The following PLEKHG1 variants were observed in gnomAD, a reference collection of about 807,000 sequenced individuals.
The protein encoded by PLEKHG1 is pleckstrin homology domain-containing family G member 1.
In PLEKHG1, 44 loss-of-function variants were observed where a neutral mutation model predicts 100.8. The ratio of observed to expected loss-of-function variants is 0.44; its 90% confidence interval spans 0.34 to 0.56. The LOEUF is 0.56. Among genes scored for constraint, PLEKHG1 ranks in the 20% least tolerant of loss-of-function variants. The pLI, the probability that PLEKHG1 is intolerant of heterozygous loss-of-function variation, is 0.01. For missense variants in PLEKHG1, 1,545 were observed against 1,720.9 expected (o/e 0.90, Z 1.81); for synonymous variants, 640 against 662.5 (o/e 0.97, Z 0.52).
At chr6:150,688,575 G>A (rs1372777268) in intron 3 of PLEKHG1, among the ~76,000 whole-genome samples, 1 of 152,058 alleles carries the variant, frequency 6.6e-6, no homozygotes, top group African/African-American at 2.4e-5. Flanking sequence ...ACCTGCGTTG[G>A]CCTCCCAAAG....
chr6:150,604,217 A>G (rs1431912583), intron 1 of PLEKHG1, among the ~76,000 whole-genome samples: 2 of 152,254 alleles, frequency 1.3e-5, no homozygotes, highest in Non-Finnish European at 1.5e-5. Flanking sequence ...ATAAATCATC[A>G]TAGTATTAAA....
rs756621195 is a variant in PLEKHG1 at position 150,677,283 on chromosome 6, T to TACACACACACACACAC, written c.-99+26498_-99+26499insCACACACACACACACA. On this transcript the variant is annotated intron_variant, in intron 3 of 3. Transcript: ENST00000367326. ...CAGTCTTGTCTCTTGTTTCTTCCCC[T>TACACACACACACACAC]ATACACACACACACACACACGCGCG... is the stretch of plus-strand genomic sequence containing the variant. Among the ~76,000 whole-genome samples the TACACACACACACACAC allele has an allele frequency of 5.1e-4, 69 of 134,136 alleles. 1 individual carries two copies. Among genetic ancestry groups the TACACACACACACACAC allele is most frequent in the African/African-American group, 1.7e-3 (67 of 39,392 alleles). The allele number at this position is 134,136 out of a possible 152,430, so 88.0% of individuals were successfully genotyped here.
intron 3 of PLEKHG1, among the ~76,000 whole-genome samples, chr6:150,681,404 C>T (rs550176842): frequency 1.1e-3 from 172 of 151,420 alleles, no homozygotes; most frequent in Non-Finnish European, 2.1e-3. Context: ...CCCAGCTGCT[C>T]GGGAGGCTGA....
At chr6:150,675,413 C>T (rs1368986812) in intron 3 of PLEKHG1, among the ~76,000 whole-genome samples, 1 of 152,232 alleles carries the variant, frequency 6.6e-6, no homozygotes, top group African/African-American at 2.4e-5. Flanking sequence ...GTTCATCACA[C>T]ATGCTCATCC....
At chr6:150,669,226 A>G (rs1779502768) in intron 3 of PLEKHG1, among the ~76,000 whole-genome samples, 1 of 152,198 alleles carries the variant, frequency 6.6e-6, no homozygotes, top group Non-Finnish European at 1.5e-5. Flanking sequence ...AGCCTTGAAG[A>G]CACATCACTG....
At chr6:150,627,003 C>T (rs186779022) in intron 1 of PLEKHG1, among the ~76,000 whole-genome samples, 90 of 152,174 alleles carry the variant, frequency 5.9e-4, no homozygotes, top group Non-Finnish European at 1.0e-3. Flanking sequence ...GAAAAAGGGG[C>T]GAGGGAAGGC....
chr6:150,667,769 AATG>A (rs1043437340), intron 3 of PLEKHG1, among the ~76,000 whole-genome samples: 1 of 152,212 alleles, frequency 6.6e-6, no homozygotes, highest in African/African-American at 2.4e-5. Flanking sequence ...TCTGCAAATA[AATG>A]AAACTGTGAA....
intron 3 of PLEKHG1, among the ~76,000 whole-genome samples, chr6:150,694,427 C>T (rs1046835411): frequency 3.3e-5 from 5 of 151,632 alleles, no homozygotes; most frequent in African/African-American, 4.8e-5. Context: ...TGGCTGGGCA[C>T]GGCGGCTCAC....
At chr6:150,638,652 C>A (rs1174112709) in intron 2 of PLEKHG1, among the ~76,000 whole-genome samples, 1 of 152,138 alleles carries the variant, frequency 6.6e-6, no homozygotes, top group Non-Finnish European at 1.5e-5. Context: ...GCCAGGTACC[C>A]CTTGTGTAAC....
At chr6:150,782,847 C>T (rs1451374504) in intron 3 of PLEKHG1, among the ~76,000 whole-genome samples, 5 of 152,110 alleles carry the variant, frequency 3.3e-5, no homozygotes, top group African/African-American at 7.2e-5. Context: ...TCATGATTGA[C>T]GTTGTGGCTC....
chr6:150,770,230 T>C (rs530573634), intron 3 of PLEKHG1, among the ~76,000 whole-genome samples: 10 of 152,304 alleles, frequency 6.6e-5, no homozygotes, highest in South Asian at 2.1e-4. Flanking sequence ...GTCCTACCCA[T>C]CTTGGCTTAC....
chr6:150,704,730 A>G (rs988868091), intron 3 of PLEKHG1, among the ~76,000 whole-genome samples: 9 of 152,256 alleles, frequency 5.9e-5, no homozygotes, highest in East Asian at 1.9e-4. Flanking sequence ...TTGGACTGCC[A>G]TAACAATAAC....
chr6:150,702,536 G>A (rs1480920520), intron 3 of PLEKHG1, among the ~76,000 whole-genome samples: 1 of 141,598 alleles, frequency 7.1e-6, no homozygotes, highest in Non-Finnish European at 1.5e-5. Context: ...ACCATCAGCA[G>A]TACTTCTCAT....
chr6:150,695,783 C>T (rs1582956466), intron 3 of PLEKHG1, among the ~76,000 whole-genome samples: 1 of 152,312 alleles, frequency 6.6e-6, no homozygotes, highest in South Asian at 2.1e-4. Flanking sequence ...AGAGGTCTGA[C>T]TCCAGAGTTT....
At chr6:150,787,184 A>T (rs957779004) in intron 4 of PLEKHG1, among the ~76,000 whole-genome samples, 3 of 152,198 alleles carry the variant, frequency 2.0e-5, no homozygotes, top group African/African-American at 7.2e-5. Flanking sequence ...AGTCTCTATA[A>T]TTATCTTTCT....
intron 3 of PLEKHG1, among the ~76,000 whole-genome samples, chr6:150,783,521 C>G (rs1223507177): frequency 6.6e-6 from 1 of 152,078 alleles, no homozygotes; most frequent in East Asian, 1.9e-4. Context: ...AGGTGTGTGC[C>G]ACCACACCCA....
At chr6:150,726,393 A>G (rs1289256223) in intron 1 of PLEKHG1, among the ~76,000 whole-genome samples, 1 of 152,210 alleles carries the variant, frequency 6.6e-6, no homozygotes, top group Non-Finnish European at 1.5e-5. Flanking sequence ...CAAGTTTTAT[A>G]CATTAAATAT....
chr6:150,757,770 A>G (rs527939085), intron 2 of PLEKHG1, among the ~76,000 whole-genome samples: 9 of 152,302 alleles, frequency 5.9e-5, no homozygotes, highest in African/African-American at 2.2e-4. Flanking sequence ...AACATGTCCC[A>G]TGGTGGTTTG....
At chr6:150,835,159 A>G (rs1429594127) in intron 15 of PLEKHG1, among the ~76,000 whole-genome samples, 5 of 152,124 alleles carry the variant, frequency 3.3e-5, no homozygotes, top group African/African-American at 1.2e-4. Flanking sequence ...ATTTCTGCCT[A>G]TAAATCACCC....
Sources: gnomAD v4.1 joint callset for allele counts (sites outside exome capture counted in the v4.1 genomes callset) on GRCh38, gnomAD v4.1.1 for gene constraint, MANE v1.5 for transcripts, NCBI Gene and HGNC (gene_info 2026-07-23, HGNC 2026-07-21) for gene names.